The following PCDHB11 variants were observed in gnomAD, a reference collection of about 807,000 sequenced individuals.
PCDHB11 encodes protocadherin beta-11.
For synonymous variants in PCDHB11, 522 were observed against 442.0 expected (o/e 1.18, Z -2.27); for missense variants, 1,151 against 1,003.4 (o/e 1.15, Z -1.99).
chr5:141,203,333 G>A lies in PCDHB11; in HGVS notation c.*1165G>A, dbSNP rs1554285979. The A allele has an allele frequency of 1.3e-5, 2 of 152,190 alleles. No homozygotes were observed. The highest frequency in any genetic ancestry group is 1.3e-4 in the Admixed American group (2 of 15,282). 9.4% of individuals were successfully genotyped at this position (152,190 alleles called of 1,614,324 possible). On this transcript the variant is annotated 3_prime_UTR_variant, in exon 1 of 1. Coordinates refer to ENST00000354757, the MANE Select transcript of PCDHB11 (RefSeq NM_018931.3). The stretch of plus-strand genomic sequence containing the variant: ...TGATATCAGTGATCCGCCCGCCTCA[G>A]CCTCCCAAAAAGCTGGGATTACAGG...
At position 141,202,023 on chromosome 5, in the gene PCDHB11, A is replaced by T. The variant is rs201058681; in HGVS notation, c.2249A>T (p.Gln750Leu). 122 of 1,614,210 alleles carry T rather than the reference A, an allele frequency of 7.6e-5. No homozygotes were observed. In the East Asian group the frequency reaches 2.7e-3, roughly 35 times the overall value. ...ACCGGGACCCTTTCCCAGAGCTACC[A>T]GTACGAGGTGTGTCTGACGGGAGGT... is the stretch of plus-strand genomic sequence containing the variant. ...SGTGTLSQSYQYEVCLTGGSE... is the reference protein window; with the variant it reads ...SGTGTLSQSYLYEVCLTGGSE... Residue 750 changes from glutamine (Q) to leucine (L), a missense_variant, in exon 1 of 1, where the codon CAG becomes CTG. Gln to Leu is a moderately radical substitution (Grantham distance 113, BLOSUM62 -2). Coordinates refer to ENST00000354757, the MANE Select transcript of PCDHB11 (RefSeq NM_018931.3).
chr5:141,201,097 C>T lies in PCDHB11; in HGVS notation c.1323C>T (p.Val441=). 3 of 1,614,178 alleles carry T rather than the reference C, an allele frequency of 1.9e-6. No individual in the cohort carries two copies. Among genetic ancestry groups the T allele is most frequent in the South Asian group, 1.1e-5 (1 of 91,080 alleles). The change falls in exon 1 of 1, where the codon GTC becomes GTT. Residue 441 remains valine (V), a synonymous_variant. Transcript: ENST00000354757. ...CCGAGCACAACACAACTGTGTTGGT[C>T]TCTGACGTCAATGACAACGCCCCCA... ...LKTEHNTTVL[V]SDVNDNAPTF... is the part of the protein sequence containing the mutation.
chr5:141,201,796 T>A lies in PCDHB11; in HGVS notation c.2022T>A (p.Pro674=), dbSNP rs114892187. 1.2e-4 allele frequency: 186 copies of A among 1,610,270 alleles called. No individual in the cohort carries two copies. The highest frequency in any genetic ancestry group is 1.5e-4 in the Non-Finnish European group (176 of 1,179,772). Residue 674 remains proline (P), a synonymous_variant, in exon 1 of 1, where the codon CCT becomes CCA. Coordinates refer to ENST00000354757, the MANE Select transcript of PCDHB11 (RefSeq NM_018931.3). Reference sequence around the variant, plus strand: ...TCTCCCAGCCCTACCTGCCGCTCCCTGAGGCGGCACCGGCCCAGGCCCAGG... The same window carrying A: ...TCTCCCAGCCCTACCTGCCGCTCCCAGAGGCGGCACCGGCCCAGGCCCAGG... ...DGFSQPYLPL[P]EAAPAQAQAD...
rs377046428 is a variant in PCDHB11, at chr5:141,200,071, C to T, written c.297C>T (p.Ile99=). ...TLDREELCGS[I]EPCVLHLQVL... is the part of the protein sequence containing the mutation. ...ACAGGGAGGAGCTCTGCGGTTCCAT[C>T]GAGCCTTGCGTGCTACATTTGCAGG... Residue 99 remains isoleucine (I), a synonymous_variant, in exon 1 of 1, where the codon ATC becomes ATT. Coordinates refer to ENST00000354757, the MANE Select transcript of PCDHB11 (RefSeq NM_018931.3). 5 of 1,614,006 alleles carry T rather than the reference C, an allele frequency of 3.1e-6. No homozygotes were observed. Among genetic ancestry groups the T allele is most frequent in the East Asian group, 2.2e-5 (1 of 44,878 alleles).
chr5:141,200,209 C>T lies in PCDHB11; in HGVS notation c.435C>T (p.Asn145=). 1 of 1,614,196 alleles carries T rather than the reference C, an allele frequency of 6.2e-7. No homozygotes were observed. Among genetic ancestry groups the T allele is most frequent in the Non-Finnish European group, 8.5e-7 (1 of 1,180,044 alleles). The change falls in exon 1 of 1, where the codon AAC becomes AAT. Residue 145 remains asparagine, a synonymous_variant. Coordinates refer to ENST00000354757, the MANE Select transcript of PCDHB11 (RefSeq NM_018931.3). ...EKQMLLEIPE[N]SPVGAVFLLE... ...AAATGCTCCTAGAAATCCCAGAGAA[C>T]AGTCCCGTTGGTGCTGTGTTCTTAC...
chr5:141,202,687 A>G lies in PCDHB11; in HGVS notation c.*519A>G, dbSNP rs375382974. 3 of 151,486 alleles carry G rather than the reference A, an allele frequency of 2.0e-5. No individual in the cohort carries two copies. Among genetic ancestry groups the G allele is most frequent in the East Asian group, 3.9e-4 (2 of 5,158 alleles). 9.4% of individuals were successfully genotyped at this position (151,486 alleles called of 1,614,324 possible). A position where few individuals can be genotyped will look rare whatever the true frequency, so the allele number is the denominator to read the frequency against. On this transcript the variant is annotated 3_prime_UTR_variant, in exon 1 of 1. Transcript: ENST00000354757. ...GAGGTCAGTGGCAGGATCTCAGCTC[A>G]CTGCAACCTCTGCCTCCTGGGCTCA...
Position 141,199,995 on chromosome 5 carries a change from GT to G in PCDHB11, c.224del (p.Leu75CysfsTer5). On this transcript the variant is annotated frameshift_variant, in exon 1 of 1. Transcript: ENST00000354757. LOFTEE classifies it low-confidence loss of function (END_TRUNC). The stretch of plus-strand genomic sequence containing the variant: ...GTGGTCTCTAATGATAAGAAACAGC[GT>G]TTGCAGCTGGACATAAACACTGGGG... The part of the protein sequence containing the change: ...ARVVSNDKKQ[R>X]LQLDINTGDL... 6.2e-7 allele frequency: 1 copy of G among 1,614,114 alleles called. No homozygotes were observed.
rs782439210 is a variant in PCDHB11 at position 141,200,503 on chromosome 5, G to A, written c.729G>A (p.Glu243=). The A allele has an allele frequency of 1.2e-6, 2 of 1,614,030 alleles. No homozygotes were observed. The highest frequency in any genetic ancestry group is 2.2e-5 in the East Asian group (1 of 44,886). Residue 243 remains glutamate, a synonymous_variant, in exon 1 of 1, where the codon GAG becomes GAA. Transcript: ENST00000354757. ...TTAATGACAACTCCCCTGAATTTGA[G>A]CAGGCTTTTTATGAGGTGAAGATTC... ...VDINDNSPEF[E]QAFYEVKIRE... is the part of the protein sequence containing the mutation.
rs1348996151 is a variant in PCDHB11 at position 141,201,651 on chromosome 5, C to T, written c.1877C>T (p.Thr626Ile). Reference sequence around the variant, plus strand: ...TGGGCGCACAATGGCGAGGTGCGCACCGCCAGGCTGCTGAGCGAGCGCGAC... The same window carrying T: ...TGGGCGCACAATGGCGAGGTGCGCATCGCCAGGCTGCTGAGCGAGCGCGAC... ...GVWAHNGEVR[T>I]ARLLSERDAA... The change falls in exon 1 of 1, where the codon ACC (threonine) becomes ATC (isoleucine). Residue 626 changes from threonine (T) to isoleucine (I), a missense_variant. Coordinates refer to ENST00000354757, the MANE Select transcript of PCDHB11 (RefSeq NM_018931.3). The T allele has an allele frequency of 1.2e-6, 2 of 1,605,876 alleles. No homozygotes were observed. The highest frequency in any genetic ancestry group is 1.7e-6 in the Non-Finnish European group (2 of 1,179,192).
Position 141,199,997 on chromosome 5 carries a change from T to C in PCDHB11, c.223T>C (p.Leu75=). 2.5e-6 allele frequency: 4 copies of C among 1,614,138 alleles called. No individual in the cohort carries two copies. The highest frequency in any genetic ancestry group is 3.4e-6 in the Non-Finnish European group (4 of 1,180,034). The change falls in exon 1 of 1, where the codon TTG becomes CTG. Residue 75 remains leucine, a synonymous_variant. Coordinates refer to ENST00000354757, the MANE Select transcript of PCDHB11 (RefSeq NM_018931.3). The part of the protein sequence containing the change: ...RVVSNDKKQR[L]QLDINTGDLL... ...GGTCTCTAATGATAAGAAACAGCGT[T>C]TGCAGCTGGACATAAACACTGGGGA...
chr5:141,200,746 G>A lies in PCDHB11; in HGVS notation c.972G>A (p.Gly324=), dbSNP rs370999149. The part of the protein sequence containing the change: ...SYSIIIQATD[G]GGLFGKSTVI... Reference sequence around the variant, plus strand: ...CAATAATCATTCAAGCCACAGATGGGGGAGGACTTTTTGGAAAATCTACAG... The same window carrying A: ...CAATAATCATTCAAGCCACAGATGGAGGAGGACTTTTTGGAAAATCTACAG... Residue 324 remains glycine (G), a synonymous_variant, in exon 1 of 1, where the codon GGG becomes GGA. Transcript: ENST00000354757. The A allele has an allele frequency of 4.6e-5, 74 of 1,614,042 alleles. No individual in the cohort carries two copies. The Admixed American group carries it at 6.0e-4, about 13-fold the overall frequency.
chr5:141,201,819 A>G lies in PCDHB11; in HGVS notation c.2045A>G (p.Gln682Arg), dbSNP rs1390727296. The G allele has an allele frequency of 7.5e-6, 12 of 1,610,534 alleles. No individual in the cohort carries two copies. Among genetic ancestry groups the G allele is most frequent in the Non-Finnish European group, 7.6e-6 (9 of 1,179,816 alleles). ...PLPEAAPAQA[Q>R]ADSLTVYLVV... ...CCTGAGGCGGCACCGGCCCAGGCCC[A>G]GGCCGACTCGCTCACCGTCTACTTG... The change falls in exon 1 of 1, where the codon CAG (glutamine) becomes CGG (arginine). Residue 682 changes from glutamine to arginine, a missense_variant. Coordinates refer to ENST00000354757, the MANE Select transcript of PCDHB11 (RefSeq NM_018931.3).
Position 141,201,008 on chromosome 5 carries a change from G to A in PCDHB11, c.1234G>A (p.Glu412Lys), listed in dbSNP as rs1417903168. Residue 412 changes from glutamate (E) to lysine (K), a missense_variant, in exon 1 of 1, where the codon GAG becomes AAG. Physicochemically the swap from Glu to Lys is moderately conservative, Grantham distance 56. Transcript: ENST00000354757. The part of the protein sequence containing the change: ...TLETERPLDR[E>K]STAEYNITIT... ...GGAAACAGAGAGACCACTGGACAGA[G>A]AGAGCACAGCCGAGTACAATATCAC... The A allele has an allele frequency of 2.5e-6, 4 of 1,614,102 alleles. No individual in the cohort carries two copies. Among genetic ancestry groups the A allele is most frequent in the East Asian group, 4.5e-5 (2 of 44,896 alleles).
Position 141,202,278 on chromosome 5 carries a change from T to C in PCDHB11, c.*110T>C. 2 of 1,110,982 alleles carry C rather than the reference T, an allele frequency of 1.8e-6. No homozygotes were observed. Among genetic ancestry groups the C allele is most frequent in the Non-Finnish European group, 2.5e-6 (2 of 805,112 alleles). The allele number at this position is 1,110,982 out of a possible 1,614,324, so 68.8% of individuals were successfully genotyped here. A position where few individuals can be genotyped will look rare whatever the true frequency, so the allele number is the denominator to read the frequency against. ...TTATGCAATACGACTAATTGTATTT[T>C]TAATTTTTTCTTTTCTCCCCCAATT... On this transcript the variant is annotated 3_prime_UTR_variant, in exon 1 of 1. Transcript: ENST00000354757.
Position 141,201,435 on chromosome 5 carries a change from C to T in PCDHB11, c.1661C>T (p.Ala554Val). ...CTGGTGCGCGTGCTGGTGCTGGACG[C>T]CAACGACAACTCGCCCTTCGTGCTG... is the stretch of plus-strand genomic sequence containing the variant. ...EALVRVLVLD[A>V]NDNSPFVLYP... Residue 554 changes from alanine (A) to valine (V), a missense_variant, in exon 1 of 1, where the codon GCC becomes GTC. Coordinates refer to ENST00000354757, the MANE Select transcript of PCDHB11 (RefSeq NM_018931.3). 6.2e-7 allele frequency: 1 copy of T among 1,611,670 alleles called. No homozygotes were observed.
rs781884111 is a variant in PCDHB11 at position 141,201,418 on chromosome 5, C to A, written c.1644C>A (p.Arg548=). 5.7e-5 allele frequency: 92 copies of A among 1,611,462 alleles called. No homozygotes were observed. The Admixed American group carries it at 6.2e-4, about 11-fold the overall frequency. The change falls in exon 1 of 1, where the codon CGC becomes CGA. Residue 548 remains arginine, a synonymous_variant. Coordinates refer to ENST00000354757, the MANE Select transcript of PCDHB11 (RefSeq NM_018931.3). The part of the protein sequence containing the change: ...SPALSSEALV[R]VLVLDANDNS... ...CTTTGAGCAGCGAGGCGCTGGTGCG[C>A]GTGCTGGTGCTGGACGCCAACGACA...
rs1754250519 is a variant in PCDHB11, at chr5:141,203,398, T to G, written c.*1230T>G. 1 of 152,224 alleles carries G rather than the reference T, an allele frequency of 6.6e-6. No homozygotes were observed. Among genetic ancestry groups the G allele is most frequent in the African/African-American group, 2.4e-5 (1 of 41,456 alleles). The allele number at this position is 152,224 out of a possible 1,614,324, so 9.4% of individuals were successfully genotyped here. Reference sequence around the variant, plus strand: ...CCCAGGCTCCCCTAGTATTTTTCACTGTCTGCATCCTATGATCCTAACCAC... The same window carrying G: ...CCCAGGCTCCCCTAGTATTTTTCACGGTCTGCATCCTATGATCCTAACCAC... On this transcript the variant is annotated 3_prime_UTR_variant, in exon 1 of 1. Transcript: ENST00000354757.
Position 141,199,914 on chromosome 5 carries a change from A to G in PCDHB11, c.140A>G (p.Asn47Ser), listed in dbSNP as rs782615644. Residue 47 changes from asparagine (N) to serine (S), a missense_variant, in exon 1 of 1, where the codon AAT becomes AGT. Transcript: ENST00000354757. ...EEMQSGSFVG[N>S]LAKDLGLKVR... ...ATGCAGAGCGGGAGTTTTGTAGGCAATCTGGCAAAGGACCTGGGGCTGAAG... is the reference window on the plus strand; with the variant it reads ...ATGCAGAGCGGGAGTTTTGTAGGCAGTCTGGCAAAGGACCTGGGGCTGAAG... The G allele has an allele frequency of 1.2e-6, 2 of 1,614,132 alleles. No homozygotes were observed. Among genetic ancestry groups the G allele is most frequent in the Non-Finnish European group, 1.7e-6 (2 of 1,180,020 alleles).
rs1247423021 is a variant in PCDHB11 at position 141,200,015 on chromosome 5, A to G, written c.241A>G (p.Thr81Ala). ...KKQRLQLDIN[T>A]GDLLLSETLD... ...ACAGCGTTTGCAGCTGGACATAAAC[A>G]CTGGGGATTTGCTCTTAAGTGAAAC... The change falls in exon 1 of 1, where the codon ACT becomes GCT. Residue 81 changes from threonine to alanine, a missense_variant. Thr to Ala is a moderately conservative substitution (Grantham distance 58). Coordinates refer to ENST00000354757, the MANE Select transcript of PCDHB11 (RefSeq NM_018931.3). 12 of 1,614,016 alleles carry G rather than the reference A, an allele frequency of 7.4e-6. No individual in the cohort carries two copies. Among genetic ancestry groups the G allele is most frequent in the Admixed American group, 1.7e-5 (1 of 59,986 alleles).
Sources: allele counts gnomAD v4.1 joint callset, GRCh38; gene constraint gnomAD v4.1.1; transcripts MANE v1.5; gene names NCBI Gene and HGNC (gene_info 2026-07-23, HGNC 2026-07-21).